RBFOX1: variants seen among roughly 807,000 people sequenced by gnomAD.
The protein encoded by RBFOX1 is RNA binding protein fox-1 homolog 1.
Under a neutral mutation model 57.7 loss-of-function variants are expected in RBFOX1, and 8 were observed. The observed-to-expected ratio is 0.14, with a 90% CI of 0.08 to 0.25. The LOEUF is 0.25. RBFOX1 is among the 10% of genes least tolerant of loss of function. The pLI is 1.00. For synonymous variants in RBFOX1, 326 were observed against 222.4 expected, an observed-to-expected ratio of 1.47 and a Z score of -4.15; for missense variants, 611 against 548.5, an observed-to-expected ratio of 1.11 and a Z score of -1.14.
chr16:7,173,876 A>G (rs1053476043), intron 4 of RBFOX1, among the ~76,000 whole-genome samples: 17 of 152,188 alleles, frequency 1.1e-4, no homozygotes, highest in East Asian at 7.7e-4. Context: ...TAAATAACCT[A>G]TTATGCTCAG....
chr16:7,690,104 A>G (rs552296807), intron 14 of RBFOX1, among the ~76,000 whole-genome samples: 18 of 152,188 alleles, frequency 1.2e-4, no homozygotes, highest in Admixed American at 4.6e-4. Context: ...TTGGTGCCAT[A>G]ACACTGCTTC....
intron 4 of RBFOX1, among the ~76,000 whole-genome samples, chr16:7,125,156 G>T (rs1257191342): frequency 6.6e-6 from 1 of 152,192 alleles, no homozygotes; most frequent in Non-Finnish European, 1.5e-5. Context: ...AGGTAACACT[G>T]CATGGTGGTG....
rs2084215950 is a variant in RBFOX1 at position 7,712,978 on chromosome 16, CATTT to C, written c.*2235_*2238del. 1 of 152,154 alleles carries C rather than the reference CATTT, an allele frequency of 6.6e-6. No individual in the cohort carries two copies. The highest frequency in any genetic ancestry group is 1.5e-5 in the Non-Finnish European group (1 of 68,040). The allele number at this position is 152,154 out of a possible 1,614,324, so 9.4% of individuals were successfully genotyped here. ...TGACTGTATGTAGTTTTAATAAAATCATTTAGAGTGAGTGAGTGCCAACCGATGT... is the reference window on the plus strand; with the variant it reads ...TGACTGTATGTAGTTTTAATAAAATCAGAGTGAGTGAGTGCCAACCGATGT... On this transcript the variant is annotated 3_prime_UTR_variant, in exon 16 of 16. Coordinates refer to ENST00000550418, the MANE Select transcript of RBFOX1 (RefSeq NM_018723.4).
chr16:6,915,671 C>G (rs751083424), intron 3 of RBFOX1, among the ~76,000 whole-genome samples: 1 of 151,386 alleles, frequency 6.6e-6, no homozygotes, highest in Non-Finnish European at 1.5e-5. Flanking sequence ...CTGCCTCAGC[C>G]TTCAGAGTAG....
intron 3 of RBFOX1, among the ~76,000 whole-genome samples, chr16:5,865,005 A>G (rs2057314132): frequency 6.6e-6 from 1 of 152,190 alleles, no homozygotes; most frequent in African/African-American, 2.4e-5. Flanking sequence ...TCCCTATGGT[A>G]GATGCGAGAA....
intron 4 of RBFOX1, among the ~76,000 whole-genome samples, chr16:7,514,730 C>T (rs993622180): frequency 2.6e-5 from 4 of 152,132 alleles, no homozygotes; most frequent in African/African-American, 9.7e-5. Flanking sequence ...TGGAGCTCTT[C>T]TCCCTTAACT....
chr16:5,715,757 A>G (rs2051673362), intron 3 of RBFOX1, among the ~76,000 whole-genome samples: 1 of 152,180 alleles, frequency 6.6e-6, no homozygotes, highest in Non-Finnish European at 1.5e-5. Flanking sequence ...CCTGTGCTGG[A>G]ATGAGAAGCC....
At chr16:7,545,429 T>A (rs1158956924) in intron 5 of RBFOX1, among the ~76,000 whole-genome samples, 7 of 152,120 alleles carry the variant, frequency 4.6e-5, no homozygotes, top group Non-Finnish European at 8.8e-5. Context: ...GTCCAACAGA[T>A]GCACATTAGT....
intron 4 of RBFOX1, among the ~76,000 whole-genome samples, chr16:7,273,947 A>G (rs372919114): frequency 1.3e-5 from 2 of 152,318 alleles, no homozygotes; most frequent in East Asian, 1.9e-4. Flanking sequence ...TTACTGGTCT[A>G]TAATACTTTT....
intron 1 of RBFOX1, among the ~76,000 whole-genome samples, chr16:6,125,775 T>C (rs2096585147): frequency 6.6e-6 from 1 of 152,126 alleles, no homozygotes; most frequent in African/African-American, 2.4e-5. Flanking sequence ...CTCTGTGGGA[T>C]GTTCTCACAG....
At chr16:7,053,781 C>A (rs1400542007) in intron 4 of RBFOX1, among the ~76,000 whole-genome samples, 2 of 152,100 alleles carry the variant, frequency 1.3e-5, no homozygotes, top group East Asian at 1.9e-4. Flanking sequence ...TTAGTTTAGT[C>A]CCAAGTATGG....
intron 4 of RBFOX1, among the ~76,000 whole-genome samples, chr16:7,375,493 GTTTTGTTT>G (rs2097668718): frequency 6.6e-6 from 1 of 151,266 alleles, no homozygotes; most frequent in African/African-American, 2.4e-5. Context: ...GTTACGAGAG[GTTTTGTTT>G]TTTTGTTTTT....
At chr16:6,517,419 C>G (rs2096402037) in intron 2 of RBFOX1, among the ~76,000 whole-genome samples, 1 of 152,152 alleles carries the variant, frequency 6.6e-6, no homozygotes. Flanking sequence ...TCCCTGAAGT[C>G]TCTCTTTCTC....
At position 7,551,106 on chromosome 16, in the gene RBFOX1, GAAAAA is replaced by G. The variant is rs56961445; in HGVS notation, c.271-28666_271-28662del. The stretch of plus-strand genomic sequence containing the variant: ...CGAGACTCAAAAAAAAAAAAAAAAA[GAAAAA>G]AAAAGAATATTTACAGGACTTCTGC... On this transcript the variant is annotated intron_variant, in intron 5 of 15. Transcript: ENST00000550418. Among the ~76,000 whole-genome samples, 301 of 135,460 alleles carry G rather than the reference GAAAAA, an allele frequency of 2.2e-3. 1 individual carries two copies. The highest frequency in any genetic ancestry group is 7.5e-3 in the African/African-American group (273 of 36,546). The allele number at this position is 135,460 out of a possible 152,430, so 88.9% of individuals were successfully genotyped here.
intron 4 of RBFOX1, among the ~76,000 whole-genome samples, chr16:7,427,177 A>G (rs912573577): frequency 6.6e-6 from 1 of 152,182 alleles, no homozygotes; most frequent in African/African-American, 2.4e-5. Flanking sequence ...TGACGAGTTA[A>G]TGGGTGCAGC....
chr16:6,531,689 T>C (rs982922353), intron 2 of RBFOX1, among the ~76,000 whole-genome samples: 1 of 152,162 alleles, frequency 6.6e-6, no homozygotes, highest in East Asian at 1.9e-4. Flanking sequence ...TTCTAGGAGA[T>C]AGAGTTTCTC....
chr16:6,435,462 C>G (rs2094208075), intron 2 of RBFOX1, among the ~76,000 whole-genome samples: 1 of 151,966 alleles, frequency 6.6e-6, no homozygotes, highest in African/African-American at 2.4e-5. Flanking sequence ...TCACACCCAG[C>G]TAATTTTTGT....
At chr16:5,870,582 C>G (rs1402388496) in intron 4 of RBFOX1, among the ~76,000 whole-genome samples, 4 of 151,722 alleles carry the variant, frequency 2.6e-5, no homozygotes, top group Non-Finnish European at 4.4e-5. Flanking sequence ...TTTTTTTATT[C>G]CAGTCTCCCA....
At chr16:6,947,026 C>A (rs933070329) in intron 3 of RBFOX1, among the ~76,000 whole-genome samples, 6 of 152,190 alleles carry the variant, frequency 3.9e-5, no homozygotes, top group Non-Finnish European at 8.8e-5. Context: ...CCCTTCACCT[C>A]TCTCCTGGCC....
Sources: gnomAD v4.1 joint callset for allele counts (sites outside exome capture counted in the v4.1 genomes callset) on GRCh38, gnomAD v4.1.1 for gene constraint, MANE v1.5 for transcripts, NCBI Gene and HGNC (gene_info 2026-07-23, HGNC 2026-07-21) for gene names.